The following PRKAR1B variants were observed in gnomAD, a reference collection of about 807,000 sequenced individuals.
The protein encoded by PRKAR1B is protein kinase cAMP-dependent type I regulatory subunit beta, also known as cAMP-dependent protein kinase type I-beta regulatory subunit.
In PRKAR1B, 22 loss-of-function variants were observed where a neutral mutation model predicts 46.5. The ratio of observed to expected loss-of-function variants is 0.47; its 90% CI spans 0.34 to 0.68. The LOEUF (loss-of-function observed/expected upper bound fraction) is 0.68, where lower values mean the gene tolerates loss of function less well. Among genes scored for constraint, PRKAR1B ranks in the 30% least tolerant of loss-of-function variants. The pLI is 0.01. For missense variants in PRKAR1B, 445 were observed against 535.6 expected (o/e 0.83, Z 1.67); for synonymous variants, 259 against 217.7 (o/e 1.19, Z -1.67).
At chr7:641,207 C>A (rs1289749606) in intron 4 of PRKAR1B, among the ~76,000 whole-genome samples, 1 of 152,192 alleles carries the variant, frequency 6.6e-6, no homozygotes, top group Non-Finnish European at 1.5e-5. Context: ...CCGCCTCGGC[C>A]TCCCAAAGTT....
At chr7:723,760 C>T (rs1438305783) in intron 1 of PRKAR1B, among the ~76,000 whole-genome samples, 1 of 152,174 alleles carries the variant, frequency 6.6e-6, no homozygotes, top group Non-Finnish European at 1.5e-5. Context: ...GCCCCCATGG[C>T]CTGGCCCCAC....
chr7:678,811 C>G (rs185232643), intron 3 of PRKAR1B, among the ~76,000 whole-genome samples: 3 of 152,218 alleles, frequency 2.0e-5, no homozygotes, highest in Non-Finnish European at 4.4e-5. Context: ...GTTGGATGGG[C>G]GTGGTGGCTC....
chr7:551,361 C>A, intron 10 of PRKAR1B, 28 bp downstream of exon 10: 2 of 1,546,884 alleles, frequency 1.3e-6, no homozygotes, highest in Non-Finnish European at 8.7e-7. Flanking sequence ...CACAGCCGTG[C>A]GAGGGAGGGG....
chr7:641,677 TA>T (rs1784395803), intron 4 of PRKAR1B, among the ~76,000 whole-genome samples: 1 of 152,068 alleles, frequency 6.6e-6, no homozygotes, highest in Admixed American at 6.6e-5. Context: ...TGTGCTAAAA[TA>T]TGGATGAACC....
chr7:689,494 G>A (rs1779291445), intron 2 of PRKAR1B, among the ~76,000 whole-genome samples: 2 of 152,106 alleles, frequency 1.3e-5, no homozygotes, highest in Non-Finnish European at 2.9e-5. Context: ...TTCAATTTTT[G>A]AAGAAAACAA....
intron 2 of PRKAR1B, among the ~76,000 whole-genome samples, chr7:695,734 G>A (rs1000553537): frequency 1.3e-4 from 20 of 152,110 alleles, no homozygotes; most frequent in African/African-American, 4.8e-4. Flanking sequence ...CGTGATCTCA[G>A]CTCACTGCAA....
chr7:583,814 A>G (rs1450202768), intron 8 of PRKAR1B, among the ~76,000 whole-genome samples: 4 of 149,740 alleles, frequency 2.7e-5, no homozygotes, highest in Non-Finnish European at 4.4e-5. Context: ...ACACTCATGC[A>G]CACACACGCA....
intron 2 of PRKAR1B, among the ~76,000 whole-genome samples, chr7:700,151 A>G (rs1022499926): frequency 1.3e-5 from 2 of 152,204 alleles, no homozygotes; most frequent in Non-Finnish European, 2.9e-5. Flanking sequence ...TCGTATGCAC[A>G]GAACACAGAG....
intron 1 of PRKAR1B, chr7:713,286 C>A (rs958128245): frequency 6.5e-6 from 1 of 153,260 alleles, no homozygotes; most frequent in African/African-American, 2.5e-5. Context: ...ATACCTGCCT[C>A]CCTGTGCACA....
chr7:666,264 G>A lies in PRKAR1B; in HGVS notation c.440+10965C>T, dbSNP rs996547316. On this transcript the variant is annotated intron_variant, in intron 4 of 10. Coordinates refer to ENST00000537384, the MANE Select transcript of PRKAR1B (RefSeq NM_001164760.2). This position sits in a 1 kb window ranked among gnomAD's most constrained non-coding sequence, Gnocchi z 4.9. ...CAGCCTTCATGGTCCTGGCACATCA[G>A]AGAGCTCCGGAACATGCGGGGCTGC... Among the ~76,000 whole-genome samples the A allele has an allele frequency of 7.8e-6, 1 of 128,346 alleles. No homozygotes were observed. The highest frequency in any genetic ancestry group is 1.5e-5 in the Non-Finnish European group (1 of 66,712). 84.2% of individuals were successfully genotyped at this position (128,346 alleles called of 152,430 possible).
In PRKAR1B at chr7:617,829, C is replaced by T. The variant is rs572950052; in HGVS notation, c.441-10377G>A. ...GAAAGCAAACCCCTCCTGGGCCCCGCGTAGCACTCACCCAGCTGGAACTCG... is the reference window on the plus strand; with the variant it reads ...GAAAGCAAACCCCTCCTGGGCCCCGTGTAGCACTCACCCAGCTGGAACTCG... On this transcript the variant is annotated intron_variant, in intron 4 of 10. Transcript: ENST00000537384. Among the ~76,000 whole-genome samples, 6 of 152,320 alleles carry T rather than the reference C, an allele frequency of 3.9e-5. No homozygotes were observed. The South Asian group carries it at 6.2e-4, about 16-fold the overall frequency.
At position 589,604 on chromosome 7, in the gene PRKAR1B, C is replaced by T. The variant is rs539408338; in HGVS notation, c.709-5036G>A. ...GTCGGTGTGGCCTGCCTATGCCCAC[C>T]GAGCTGCTAAGTGCTGAGGCCAAGA... On this transcript the variant is annotated intron_variant, in intron 7 of 10. Transcript: ENST00000537384. Among the ~76,000 whole-genome samples, 19 of 152,288 alleles carry T rather than the reference C, an allele frequency of 1.2e-4. No homozygotes were observed. The East Asian group carries it at 3.5e-3, about 28-fold the overall frequency.
At chr7:659,055 C>A (rs763348687) in intron 4 of PRKAR1B, among the ~76,000 whole-genome samples, 7 of 149,986 alleles carry the variant, frequency 4.7e-5, no homozygotes. Context: ...ACACACACAG[C>A]ACAGACACTC....
chr7:693,292 C>G (rs1188489094), intron 2 of PRKAR1B, among the ~76,000 whole-genome samples: 1 of 149,592 alleles, frequency 6.7e-6, no homozygotes, highest in Non-Finnish European at 1.5e-5. Flanking sequence ...AGTTAACAAT[C>G]AACTGTATTA....
In PRKAR1B at chr7:667,460, G is replaced by A. The variant is rs769889328; in HGVS notation, c.440+9769C>T. ...AGTGAGATTGTGTGTGCATGACTGT[G>A]TGCATAGGCGTGCCTGGGAATAAGA... On this transcript the variant is annotated intron_variant, in intron 4 of 10. Coordinates refer to ENST00000537384, the MANE Select transcript of PRKAR1B (RefSeq NM_001164760.2). The surrounding 1 kb of genome is among the most constrained non-coding windows in gnomAD (Gnocchi z 4.3). 3.3e-5 allele frequency among the ~76,000 whole-genome samples: 5 copies of A among 152,176 alleles called. No individual in the cohort carries two copies. Among genetic ancestry groups the A allele is most frequent in the Non-Finnish European group, 7.3e-5 (5 of 68,034 alleles).
intron 4 of PRKAR1B, among the ~76,000 whole-genome samples, chr7:660,344 C>A (rs1352601069): frequency 6.6e-6 from 1 of 152,044 alleles, no homozygotes; most frequent in Non-Finnish European, 1.5e-5. Flanking sequence ...ACAGGCCCCG[C>A]TCCAACGGGT....
At chr7:616,162 G>A (rs1262593037) in intron 4 of PRKAR1B, among the ~76,000 whole-genome samples, 1 of 152,184 alleles carries the variant, frequency 6.6e-6, no homozygotes, top group Non-Finnish European at 1.5e-5. Context: ...TTGGCTGCAG[G>A]TACAGGCCCT....
intron 4 of PRKAR1B, among the ~76,000 whole-genome samples, chr7:620,856 T>C (rs548256499): frequency 6.6e-6 from 1 of 152,242 alleles, no homozygotes; most frequent in South Asian, 2.1e-4. Flanking sequence ...CTCATTGTGG[T>C]CCCTCCCTTA....
chr7:663,396 T>C (rs1325227660), intron 4 of PRKAR1B, among the ~76,000 whole-genome samples: 1 of 152,158 alleles, frequency 6.6e-6, no homozygotes, highest in Non-Finnish European at 1.5e-5. Context: ...GCCCAGCTAA[T>C]TTTTTAATTT....
Sources: gnomAD v4.1 joint callset for allele counts (sites outside exome capture counted in the v4.1 genomes callset) on GRCh38, gnomAD v4.1.1 for gene constraint, Gnocchi (gnomAD v3.1) non-coding constraint, MANE v1.5 for transcripts, NCBI Gene and HGNC (gene_info 2026-07-23, HGNC 2026-07-21) for gene names.